Variants in NFKB1 observed in about 807,000 individuals in gnomAD.
NFKB1 encodes the protein nuclear factor kappa B subunit 1.
In NFKB1, 9 loss-of-function variants were observed where a neutral mutation model predicts 105.1. That is an observed-to-expected ratio of 0.09 (90% CI 0.05 to 0.15). The LOEUF is 0.15. NFKB1 is among the 10% of genes least tolerant of loss of function. The pLI is 1.00. For synonymous variants in NFKB1, 440 were observed against 442.2 expected (o/e 1.00, Z 0.06); for missense variants, 830 against 1,203.7 (o/e 0.69, Z 4.59).
At chr4:102,546,822 G>A (rs1479805180) in intron 5 of NFKB1, among the ~76,000 whole-genome samples, 2 of 152,182 alleles carry the variant, frequency 1.3e-5, no homozygotes, top group African/African-American at 4.8e-5. Context: ...TGATGAGGAA[G>A]TTGCCTGTCT....
At chr4:102,559,413 T>C (rs1171869988) in intron 5 of NFKB1, among the ~76,000 whole-genome samples, 1 of 151,828 alleles carries the variant, frequency 6.6e-6, no homozygotes, top group Non-Finnish European at 1.5e-5. Flanking sequence ...ATGACATGGC[T>C]TGAACAGGAT....
At chr4:102,535,029 C>T (rs1034629176) in intron 4 of NFKB1, among the ~76,000 whole-genome samples, 5 of 152,136 alleles carry the variant, frequency 3.3e-5, no homozygotes, top group Admixed American at 1.3e-4. Flanking sequence ...AACTTTGGGG[C>T]ATGGTTCTAG....
chr4:102,612,155 A>C, intron 21 of NFKB1, 45 bp downstream of exon 21: 57 of 1,515,740 alleles, frequency 3.8e-5, no homozygotes, highest in Non-Finnish European at 4.8e-5. Flanking sequence ...TATTATCTCC[A>C]CACTGTCATT....
At chr4:102,609,670 T>C (rs561616041) in intron 19 of NFKB1, among the ~76,000 whole-genome samples, 41 of 150,898 alleles carry the variant, frequency 2.7e-4, no homozygotes, top group Admixed American at 2.4e-3. Context: ...CTCCACACTT[T>C]GGTCCTGTAA....
chr4:102,601,222 A>G (rs1182245003), intron 16 of NFKB1, among the ~76,000 whole-genome samples: 13 of 152,248 alleles, frequency 8.5e-5, no homozygotes, highest in East Asian at 5.8e-4. Flanking sequence ...TCAAGCCACA[A>G]TGAAATTCAG....
At chr4:102,595,041 GT>G (rs1432831503) in intron 13 of NFKB1, 60 bp downstream of exon 13, 1 of 1,184,508 alleles carries the variant, frequency 8.4e-7, no homozygotes, top group African/African-American at 1.5e-5. Flanking sequence ...GCTAAAAAGG[GT>G]TTTTAAAATC....
chr4:102,551,367 T>TCCGCGCGC (rs1553931290), intron 5 of NFKB1, among the ~76,000 whole-genome samples: 1 of 150,094 alleles, frequency 6.7e-6, no homozygotes, highest in South Asian at 2.1e-4. Context: ...TGTGTGTGTG[T>TCCGCGCGC]GCGCGCGCGC....
chr4:102,610,729 G>A, intron 20 of NFKB1, 30 bp downstream of exon 20: 4 of 1,609,608 alleles, frequency 2.5e-6, no homozygotes, highest in Non-Finnish European at 3.4e-6. Context: ...TCTGATGGCT[G>A]CCCCTGAGGG....
At chr4:102,529,803 A>G in intron 2 of NFKB1, 33 bp from the exon 3 acceptor site, 1 of 1,467,490 alleles carries the variant, frequency 6.8e-7, no homozygotes, top group Non-Finnish European at 9.4e-7. Flanking sequence ...AGGAAAAATA[A>G]TGATTGAAAC....
In NFKB1 at chr4:102,596,254, A is replaced by C; in HGVS notation, c.1417A>C (p.Ser473Arg). Residue 473 changes from serine (S) to arginine (R), a missense_variant, in exon 14 of 24, where the codon AGC becomes CGC. Physicochemically the swap from Ser to Arg is moderately radical, Grantham distance 110 (BLOSUM62 -1). Coordinates refer to ENST00000226574, the MANE Select transcript of NFKB1 (RefSeq NM_003998.4). ...AACCACAGAGCAAGATCAGGAGCCC[A>C]GCGAGGCCACCGTTGGGAATGGTGA... The part of the protein sequence containing the change: ...IETTEQDQEP[S>R]EATVGNGEVT... The C allele has an allele frequency of 1.2e-6, 2 of 1,613,862 alleles. No homozygotes were observed. Among genetic ancestry groups the C allele is most frequent in the South Asian group, 1.1e-5 (1 of 91,052 alleles).
At chr4:102,531,676 T>C (rs1467246748) in intron 3 of NFKB1, among the ~76,000 whole-genome samples, 1 of 152,120 alleles carries the variant, frequency 6.6e-6, no homozygotes, top group Non-Finnish European at 1.5e-5. Context: ...AAACAACAAA[T>C]ACATGCATAT....
At chr4:102,609,666 A>G (rs1164308168) in intron 19 of NFKB1, among the ~76,000 whole-genome samples, 1 of 150,190 alleles carries the variant, frequency 6.7e-6, no homozygotes, top group Non-Finnish European at 1.5e-5. Context: ...ATCCCTCCAC[A>G]CTTTGGTCCT....
chr4:102,502,388 G>GCGCGCGCACACGCA (rs1553925897), intron 1 of NFKB1, among the ~76,000 whole-genome samples: 2 of 96,802 alleles, frequency 2.1e-5, no homozygotes, highest in African/African-American at 7.2e-5. Context: ...GCGCGCGCGC[G>GCGCGCGCACACGCA]CGCACACACA....
At chr4:102,603,273 A>G (rs996444938) in intron 16 of NFKB1, among the ~76,000 whole-genome samples, 1 of 151,962 alleles carries the variant, frequency 6.6e-6, no homozygotes, top group African/African-American at 2.4e-5. Flanking sequence ...GGGTTTCACC[A>G]TGTTGGTCTG....
rs749086286 is a variant in NFKB1 at position 102,607,638 on chromosome 4, C to A, written c.2125-11C>A. Reference sequence around the variant, plus strand: ...TTCCACTAACGCTTTCTTGTGTGGGCTGGATTGTAGGGTGATGCCCATGTG... The same window carrying A: ...TTCCACTAACGCTTTCTTGTGTGGGATGGATTGTAGGGTGATGCCCATGTG... On this transcript the variant is annotated splice_polypyrimidine_tract_variant and intron_variant, in intron 18 of 23. Transcript: ENST00000226574. 6.2e-7 allele frequency: 1 copy of A among 1,613,234 alleles called. No homozygotes were observed. Among genetic ancestry groups the A allele is most frequent in the Non-Finnish European group, 8.5e-7 (1 of 1,179,260 alleles).
chr4:102,539,063 C>A (rs1741824639), intron 5 of NFKB1, among the ~76,000 whole-genome samples: 1 of 151,638 alleles, frequency 6.6e-6, no homozygotes, highest in South Asian at 2.1e-4. Flanking sequence ...ATGGTGAAAC[C>A]CCATCTCTAC....
rs532855542 is a variant in NFKB1, at chr4:102,609,029, T to C, written c.2227+1278T>C. Reference sequence around the variant, plus strand: ...GTAGCCAGGCATGGTGGCATGCGCCTATAGTCGCAGCTAGTTTGGAGGCCG... The same window carrying C: ...GTAGCCAGGCATGGTGGCATGCGCCCATAGTCGCAGCTAGTTTGGAGGCCG... On this transcript the variant is annotated intron_variant, in intron 19 of 23. Coordinates refer to ENST00000226574, the MANE Select transcript of NFKB1 (RefSeq NM_003998.4). Among the ~76,000 whole-genome samples the C allele has an allele frequency of 2.3e-4, 35 of 151,932 alleles. 1 individual carries two copies. Among genetic ancestry groups the C allele is most frequent in the Non-Finnish European group, 4.3e-4 (29 of 67,964 alleles).
intron 11 of NFKB1, among the ~76,000 whole-genome samples, chr4:102,586,143 A>G (rs1453424174): frequency 6.6e-6 from 1 of 152,176 alleles, no homozygotes; most frequent in Non-Finnish European, 1.5e-5. Flanking sequence ...GAAACAGTGC[A>G]GTTAGTAAAG....
chr4:102,560,670 C>T (rs550683003), intron 5 of NFKB1, among the ~76,000 whole-genome samples: 52 of 152,250 alleles, frequency 3.4e-4, no homozygotes, highest in Non-Finnish European at 5.4e-4. Context: ...TCAGAAGACT[C>T]ATAATGAATT....
Sources: allele counts gnomAD v4.1 joint callset (sites outside exome capture counted in the v4.1 genomes callset), GRCh38; gene constraint gnomAD v4.1.1; transcripts MANE v1.5; gene names NCBI Gene and HGNC (gene_info 2026-07-23, HGNC 2026-07-21).